The following CAST variants were observed in gnomAD, a reference collection of about 807,000 sequenced individuals.
CAST encodes the protein calpastatin.
Under a neutral mutation model 119.6 loss-of-function variants are expected in CAST, and 76 were observed. The observed-to-expected ratio is 0.64, with a 90% CI of 0.53 to 0.77. The LOEUF is 0.77. Ranked by LOEUF, CAST falls within the 30% of genes least tolerant of loss-of-function variation. The pLI, the probability that CAST is intolerant of heterozygous loss-of-function variation, is 0.00. For missense variants in CAST, 953 were observed against 946.5 expected (o/e 1.01, Z -0.09); for synonymous variants, 319 against 331.6 (o/e 0.96, Z 0.41).
chr5:96,239,553 A>C, the CAST span, among the ~76,000 whole-genome samples: 2 of 151,950 alleles, frequency 1.3e-5, no homozygotes, highest in Non-Finnish European at 2.9e-5. Flanking sequence ...TCAATCCTGA[A>C]ATGTTAAAAT....
the CAST span, among the ~76,000 whole-genome samples, chr5:96,445,458 C>T: frequency 6.6e-6 from 1 of 152,160 alleles, no homozygotes; most frequent in Non-Finnish European, 1.5e-5. Flanking sequence ...GACTCATTGC[C>T]CAGACACATA....
At chr5:96,271,004 A>G in the CAST span, among the ~76,000 whole-genome samples, 11 of 135,036 alleles carry the variant, frequency 8.1e-5, no homozygotes, top group South Asian at 2.5e-3. Flanking sequence ...TAATATTTAA[A>G]AAAAATGAAG....
chr5:96,746,934 AC>A (rs1426583325), intron 17 of CAST, among the ~76,000 whole-genome samples: 2 of 152,226 alleles, frequency 1.3e-5, no homozygotes, highest in Non-Finnish European at 2.9e-5. Context: ...GAATATAGTT[AC>A]AATTCTAAGT....
At chr5:96,483,344 A>G in the CAST span, among the ~76,000 whole-genome samples, 1 of 152,194 alleles carries the variant, frequency 6.6e-6, no homozygotes, top group Non-Finnish European at 1.5e-5. Context: ...AGCTGTGCCC[A>G]TGTATACTGG....
chr5:96,061,094 C>T, the CAST span, among the ~76,000 whole-genome samples: 36 of 152,178 alleles, frequency 2.4e-4, no homozygotes, highest in African/African-American at 8.7e-4. Flanking sequence ...TCCTTAGATG[C>T]CCCATCTGCA....
chr5:96,653,686 T>TATC (rs1429904876), intron 1 of CAST, among the ~76,000 whole-genome samples: 14 of 152,258 alleles, frequency 9.2e-5, no homozygotes, highest in African/African-American at 3.4e-4. Context: ...CTCAGATCTT[T>TATC]ATCTTGTATC....
chr5:96,230,226 A>C, the CAST span, among the ~76,000 whole-genome samples: 1 of 152,112 alleles, frequency 6.6e-6, no homozygotes, highest in Non-Finnish European at 1.5e-5. Context: ...CCTGCATTGG[A>C]GTGTCCCCCA....
chr5:96,007,007 A>G, the CAST span, among the ~76,000 whole-genome samples: 1 of 152,138 alleles, frequency 6.6e-6, no homozygotes, highest in Non-Finnish European at 1.5e-5. Flanking sequence ...TTTTATTTTC[A>G]TTTTTGGTAT....
chr5:96,632,140 A>G (rs573143023), intron 1 of CAST, among the ~76,000 whole-genome samples: 109 of 151,730 alleles, frequency 7.2e-4, no homozygotes, highest in Non-Finnish European at 1.3e-3. Context: ...TGTATAGTAT[A>G]TATTCTTTGG....
chr5:96,394,931 A>C, the CAST span: 1 of 1,614,162 alleles, frequency 6.2e-7, no homozygotes, highest in Non-Finnish European at 8.5e-7. Flanking sequence ...GGACGTGTAC[A>C]CACGAGGCTG....
At chr5:96,452,641 A>T in the CAST span, among the ~76,000 whole-genome samples, 47 of 12,608 alleles carry the variant, frequency 3.7e-3, no homozygotes, top group South Asian at 0.03. Flanking sequence ...AAAGTATAAT[A>T]AAAAAAAAAA....
At chr5:96,584,227 C>T (rs1437274748) in intron 1 of CAST, among the ~76,000 whole-genome samples, 1 of 152,176 alleles carries the variant, frequency 6.6e-6, no homozygotes, top group Non-Finnish European at 1.5e-5. Context: ...CCTTGGCATG[C>T]ACTGTTCCCA....
the CAST span, chr5:96,393,405 G>A: frequency 6.2e-7 from 1 of 1,612,560 alleles, no homozygotes; most frequent in Non-Finnish European, 8.5e-7. Context: ...CATCCACAAA[G>A]GGAAGAAGGT....
chr5:96,634,394 C>T (rs554099242), intron 1 of CAST, among the ~76,000 whole-genome samples: 1 of 152,308 alleles, frequency 6.6e-6, no homozygotes, highest in South Asian at 2.1e-4. Flanking sequence ...GTATATAAAG[C>T]TCCTGGCAAA....
chr5:96,183,954 T>C, the CAST span, among the ~76,000 whole-genome samples: 671 of 152,346 alleles, frequency 4.4e-3, 11 homozygotes, highest in African/African-American at 0.015. Context: ...CAATATCATA[T>C]AGACTTCTGT....
chr5:96,411,935 G>T, the CAST span, among the ~76,000 whole-genome samples: 1 of 152,066 alleles, frequency 6.6e-6, no homozygotes, highest in Non-Finnish European at 1.5e-5. Context: ...TCAGCCTCCC[G>T]AGTAGCTGGG....
At chr5:96,738,401 A>T (rs1278756155) in intron 11 of CAST, among the ~76,000 whole-genome samples, 2 of 152,132 alleles carry the variant, frequency 1.3e-5, no homozygotes, top group East Asian at 3.9e-4. Flanking sequence ...AGCAACTAAA[A>T]ATTAGTATCG....
chr5:96,477,022 T>C, the CAST span, among the ~76,000 whole-genome samples: 1 of 150,094 alleles, frequency 6.7e-6, no homozygotes, highest in African/African-American at 2.5e-5. Context: ...TCCTTCAGAG[T>C]TGTTGATCTA....
chr5:96,571,383 A>T (rs1399583778), intron 1 of CAST, among the ~76,000 whole-genome samples: 2 of 152,224 alleles, frequency 1.3e-5, no homozygotes, highest in Non-Finnish European at 2.9e-5. Context: ...TCACACAAGC[A>T]TTCTCTGGGC....
Sources: gnomAD v4.1 joint callset for allele counts (sites outside exome capture counted in the v4.1 genomes callset) on GRCh38, gnomAD v4.1.1 for gene constraint, MANE v1.5 for transcripts, NCBI Gene and HGNC (gene_info 2026-07-23, HGNC 2026-07-21) for gene names.